Variants in UBD observed in about 807,000 individuals in gnomAD.
The protein encoded by UBD is ubiquitin D.
UBD carries 1 observed loss-of-function variant against 2.3 expected under a neutral mutation model. That is an observed-to-expected ratio of 0.43 (90% CI 0.15 to 2.06). The LOEUF is 2.06. Among genes scored for constraint, UBD ranks in the 30% most tolerant of loss-of-function variants. The pLI is 0.29. For synonymous variants in UBD, 75 were observed against 76.5 expected, an observed-to-expected ratio of 0.98 and a Z score of 0.10; for missense variants, 175 against 199.3, an observed-to-expected ratio of 0.88 and a Z score of 0.73.
chr6:29,557,494 TAA>T (rs1357110154), intron 1 of UBD: 1 of 152,254 alleles, frequency 6.6e-6, no homozygotes, highest in Admixed American at 6.5e-5. Context: ...AATTAAATGT[TAA>T]GTCTCCACTT....
At chr6:29,558,895 G>A (rs1236260595) in intron 1 of UBD, among the ~76,000 whole-genome samples, 2 of 152,154 alleles carry the variant, frequency 1.3e-5, no homozygotes, top group African/African-American at 4.8e-5. Context: ...CAGAGAACAC[G>A]AGGCTTGCCA....
intron 1 of UBD, chr6:29,557,077 CTG>C (rs1304555756): frequency 6.6e-6 from 1 of 152,184 alleles, no homozygotes; most frequent in East Asian, 1.9e-4. Flanking sequence ...GATTATAAGA[CTG>C]AGAGAATGGA....
chr6:29,557,122 C>T (rs1762562686), intron 1 of UBD: 1 of 152,188 alleles, frequency 6.6e-6, no homozygotes, highest in Non-Finnish European at 1.5e-5. Flanking sequence ...AAATTATAAA[C>T]AAGACCGAGG....
At position 29,556,125 on chromosome 6, in the gene UBD, C is replaced by T; in HGVS notation, c.253G>A (p.Asp85Asn). 2 of 1,613,150 alleles carry T rather than the reference C, an allele frequency of 1.2e-6. No homozygotes were observed. Among genetic ancestry groups the T allele is most frequent in the South Asian group, 2.2e-5 (2 of 91,080 alleles). The change falls in exon 2 of 2, where the codon GAT becomes AAT. Residue 85 changes from aspartate (D) to asparagine (N), a missense_variant. Asp to Asn is a conservative substitution (Grantham distance 23). Coordinates refer to ENST00000377050, the MANE Select transcript of UBD (RefSeq NM_006398.4). ...HLTLKVVKPS[D>N]EELPLFLVES... The stretch of plus-strand genomic sequence containing the variant: ...ACAAGAAACAAGGGCAGCTCCTCAT[C>T]ACTGGGCTTCACCACTTTCAGGGTA...
chr6:29,559,386 G>A (rs1461971986), intron 1 of UBD, among the ~76,000 whole-genome samples: 7 of 152,166 alleles, frequency 4.6e-5, no homozygotes, highest in Non-Finnish European at 1.0e-4. Flanking sequence ...AATCTCACCA[G>A]CCCTGTGGAA....
Position 29,556,018 on chromosome 6 carries a change from C to G in UBD, c.360G>C (p.Glu120Asp). Reference protein sequence around the residue: ...SSVAQVKAMIETKTGIIPETQ... With the variant: ...SSVAQVKAMIDTKTGIIPETQ... ...TCTCAGGGATTATACCCGTCTTAGT[C>G]TCGATCATTGCTTTCACTTGTGCCA... Residue 120 changes from glutamate (E) to aspartate (D), a missense_variant, in exon 2 of 2, where the codon GAG becomes GAC. Glu to Asp is a conservative substitution (Grantham distance 45). Transcript: ENST00000377050. 6.2e-7 allele frequency: 1 copy of G among 1,613,144 alleles called. No homozygotes were observed. Among genetic ancestry groups the G allele is most frequent in the Non-Finnish European group, 8.5e-7 (1 of 1,180,046 alleles).
chr6:29,559,072 A>G (rs1314340514), intron 1 of UBD, among the ~76,000 whole-genome samples: 1 of 152,244 alleles, frequency 6.6e-6, no homozygotes, highest in African/African-American at 2.4e-5. Context: ...TTACTTCAAT[A>G]GCTGGAAAAT....
rs546531621 is a variant in UBD, at chr6:29,559,584, G to A, written c.27+91C>T. On this transcript the variant is annotated intron_variant, in intron 1 of 1. Coordinates refer to ENST00000377050, the MANE Select transcript of UBD (RefSeq NM_006398.4). Reference sequence around the variant, plus strand: ...TGCCTGCCCAGCCCCCCAGAGCCCTGAGTACTGCCCAGCCCCCGTTTCTAA... The same window carrying A: ...TGCCTGCCCAGCCCCCCAGAGCCCTAAGTACTGCCCAGCCCCCGTTTCTAA... The A allele has an allele frequency of 8.7e-5, 124 of 1,426,772 alleles. No individual in the cohort carries two copies. In the African/African-American group the frequency reaches 1.6e-3, roughly 18 times the overall value. 88.4% of individuals were successfully genotyped at this position (1,426,772 alleles called of 1,614,324 possible).
intron 1 of UBD, among the ~76,000 whole-genome samples, chr6:29,559,182 A>G (rs1262192743): frequency 6.6e-6 from 1 of 152,204 alleles, no homozygotes; most frequent in African/African-American, 2.4e-5. Context: ...TAGATATTGC[A>G]GACATTTCTT....
At position 29,556,370 on chromosome 6, in the gene UBD, A is replaced by G; in HGVS notation, c.28-20T>C. On this transcript the variant is annotated intron_variant, in intron 1 of 1. Coordinates refer to ENST00000377050, the MANE Select transcript of UBD (RefSeq NM_006398.4). ...ATGCACCTGGGAAGTGAAAGCCACA[A>G]GACAGTTACCTAGGATGCCTGCCTC... 1 of 1,593,642 alleles carries G rather than the reference A, an allele frequency of 6.3e-7. No individual in the cohort carries two copies. Among genetic ancestry groups the G allele is most frequent in the Non-Finnish European group, 8.6e-7 (1 of 1,166,042 alleles).
intron 1 of UBD, among the ~76,000 whole-genome samples, chr6:29,558,843 A>G (rs1762658132): frequency 6.6e-6 from 1 of 152,242 alleles, no homozygotes; most frequent in African/African-American, 2.4e-5. Flanking sequence ...ACATGACCCA[A>G]GATTCCATTC....
chr6:29,559,574 C>G (rs1055963751), intron 1 of UBD, 101 bp downstream of exon 1: 7 of 1,288,908 alleles, frequency 5.4e-6, no homozygotes, highest in South Asian at 1.3e-5. Context: ...GCCCAGCCCC[C>G]CAGAGCCCTG....
At chr6:29,556,790 C>G (rs1245723065) in intron 1 of UBD, 1 of 162,008 alleles carries the variant, frequency 6.2e-6, no homozygotes, top group Admixed American at 6.0e-5. Flanking sequence ...AACTCTGTCT[C>G]TACTAAAAAT....
chr6:29,556,149 T>G lies in UBD; in HGVS notation c.229A>C (p.Thr77Pro), dbSNP rs1397398208. 2.5e-6 allele frequency: 4 copies of G among 1,613,044 alleles called. No homozygotes were observed. Among genetic ancestry groups the G allele is most frequent in the African/African-American group, 1.3e-5 (1 of 75,018 alleles). ...GIDKEKTIHL[T>P]LKVVKPSDEE... ...TCACTGGGCTTCACCACTTTCAGGG[T>G]AAGGTGGATGGTCTTCTCTTTGTCA... Residue 77 changes from threonine to proline, a missense_variant, in exon 2 of 2, where the codon ACC becomes CCC. Transcript: ENST00000377050.
chr6:29,559,531 G>C, intron 1 of UBD, 144 bp downstream of exon 1: 1 of 731,136 alleles, frequency 1.4e-6, no homozygotes, highest in Non-Finnish European at 2.3e-6. Context: ...TTCTGCAAAT[G>C]TCAATGCCAG....
In UBD at chr6:29,556,514, C is replaced by A; in HGVS notation, c.28-164G>T. The A allele has an allele frequency of 8.6e-6, 5 of 579,684 alleles. No homozygotes were observed. The East Asian group carries it at 1.4e-4, about 16-fold the overall frequency. 35.9% of individuals were successfully genotyped at this position (579,684 alleles called of 1,614,324 possible). ...TCTTGGAACTTCTTTTTTGGAATTA[C>A]CAAGTTACAACACAAATAAGATAAT... On this transcript the variant is annotated intron_variant, in intron 1 of 1. Coordinates refer to ENST00000377050, the MANE Select transcript of UBD (RefSeq NM_006398.4).
In UBD at chr6:29,556,221, C is replaced by T. The variant is rs752270333; in HGVS notation, c.157G>A (p.Gly53Ser). Reference protein sequence around the residue: ...VPVQDQVLLLGSKILKPRRSL... With the variant: ...VPVQDQVLLLSSKILKPRRSL... ...CTCCGTGGCTTTAAGATCTTGGAGCCCAGCAAAAGAACCTGGTCCTGCACA... is the reference window on the plus strand; with the variant it reads ...CTCCGTGGCTTTAAGATCTTGGAGCTCAGCAAAAGAACCTGGTCCTGCACA... The change falls in exon 2 of 2, where the codon GGC (glycine) becomes AGC (serine). Residue 53 changes from glycine (G) to serine (S), a missense_variant. Transcript: ENST00000377050. 1.9e-6 allele frequency: 3 copies of T among 1,613,048 alleles called. No homozygotes were observed. Among genetic ancestry groups the T allele is most frequent in the Admixed American group, 3.3e-5 (2 of 60,026 alleles).
At chr6:29,558,531 C>G (rs552641679) in intron 1 of UBD, among the ~76,000 whole-genome samples, 1 of 152,368 alleles carries the variant, frequency 6.6e-6, no homozygotes, top group South Asian at 2.1e-4. Flanking sequence ...CTAAATCTTG[C>G]AACTGCACTC....
rs942698598 is a variant in UBD at position 29,556,160 on chromosome 6, G to A, written c.218C>T (p.Thr73Ile). The part of the protein sequence containing the change: ...LSSYGIDKEK[T>I]IHLTLKVVKP... ...CACCACTTTCAGGGTAAGGTGGATG[G>A]TCTTCTCTTTGTCAATGCCATAAGA... The change falls in exon 2 of 2, where the codon ACC (threonine) becomes ATC (isoleucine). Residue 73 changes from threonine (T) to isoleucine (I), a missense_variant. Thr to Ile is a moderately conservative substitution (Grantham distance 89). Transcript: ENST00000377050. 2 of 1,612,954 alleles carry A rather than the reference G, an allele frequency of 1.2e-6. No homozygotes were observed. The highest frequency in any genetic ancestry group is 2.7e-5 in the African/African-American group (2 of 74,924).
Sources: allele counts gnomAD v4.1 joint callset (sites outside exome capture counted in the v4.1 genomes callset), GRCh38; gene constraint gnomAD v4.1.1; transcripts MANE v1.5; gene names NCBI Gene and HGNC (gene_info 2026-07-23, HGNC 2026-07-21).